The following CFAP47 variants were observed in gnomAD, a reference collection of about 807,000 sequenced individuals.
CFAP47 encodes cilia- and flagella-associated protein 47.
Under a neutral mutation model 148.1 loss-of-function variants are expected in CFAP47, and 29 were observed. The observed-to-expected ratio is 0.20, with a 90% confidence interval of 0.15 to 0.27. CFAP47 has a LOEUF of 0.27. Ranked by LOEUF, CFAP47 falls within the 10% of genes least tolerant of loss-of-function variation. The probability of loss-of-function intolerance (pLI) is 1.00; values close to 1 mark genes in which losing one functional copy is unlikely to be tolerated. For missense variants in CFAP47, 1,872 were observed against 1,697.5 expected (o/e 1.10, Z -1.81); for synonymous variants, 664 against 577.3 (o/e 1.15, Z -2.15).
chrX:36,371,237 G>T (rs1389496871), intron 62 of CFAP47, among the ~76,000 whole-genome samples: 1 of 110,672 alleles, frequency 9.0e-6, no homozygotes, highest in African/African-American at 3.3e-5. Flanking sequence ...ATATAAATGA[G>T]CATTATGAAT....
At chrX:36,255,584 G>A (rs782055878) in intron 49 of CFAP47, among the ~76,000 whole-genome samples, 2 of 111,265 alleles carry the variant, frequency 1.8e-5, no homozygotes, top group South Asian at 3.8e-4. Context: ...TGCATAAAGA[G>A]GGCTGACCTG....
intron 29 of CFAP47, among the ~76,000 whole-genome samples, chrX:36,075,091 C>T (rs941364927): frequency 9.0e-6 from 1 of 111,018 alleles, no homozygotes; most frequent in Non-Finnish European, 1.9e-5. Context: ...GTGATTATAT[C>T]GTTTCAATGT....
chrX:36,207,569 A>C (rs1298920892), intron 45 of CFAP47, among the ~76,000 whole-genome samples: 2 of 111,765 alleles, frequency 1.8e-5, no homozygotes, highest in Non-Finnish European at 3.8e-5. Flanking sequence ...TGTGATACCA[A>C]AGGAGCAGAA....
chrX:35,971,511 A>T, intron 11 of CFAP47, 75 bp from the exon 12 acceptor site: 1 of 668,699 alleles, frequency 1.5e-6, no homozygotes. Context: ...ACTATGGGAA[A>T]GGCTTGAATT....
intron 55 of CFAP47, among the ~76,000 whole-genome samples, chrX:36,307,391 CT>C (rs1941359412): frequency 9.0e-6 from 1 of 110,920 alleles, no homozygotes; most frequent in South Asian, 3.7e-4. Flanking sequence ...AATGGAAGTA[CT>C]GTTATCAATC....
chrX:36,092,184 T>C (rs973307978), intron 30 of CFAP47, among the ~76,000 whole-genome samples: 2 of 111,719 alleles, frequency 1.8e-5, no homozygotes, highest in African/African-American at 6.5e-5. Flanking sequence ...TTAAATGATA[T>C]AAATAAATAT....
intron 52 of CFAP47, among the ~76,000 whole-genome samples, chrX:36,299,838 T>C (rs982572016): frequency 1.8e-5 from 2 of 112,107 alleles, no homozygotes; most frequent in Non-Finnish European, 3.8e-5. Context: ...TATCCTACAA[T>C]AGAAACCAGT....
chrX:36,324,830 TC>T (rs1214128383), intron 57 of CFAP47, among the ~76,000 whole-genome samples: 8 of 111,713 alleles, frequency 7.2e-5, no homozygotes, highest in African/African-American at 2.6e-4. Context: ...CCATTTTTTT[TC>T]TAGATGAAAT....
chrX:36,182,312 A>G (rs1011568387), intron 40 of CFAP47, among the ~76,000 whole-genome samples: 2 of 111,811 alleles, frequency 1.8e-5, no homozygotes, highest in Non-Finnish European at 3.8e-5. Context: ...TCCTTTCTCC[A>G]TACACATCTA....
chrX:36,135,655 C>T (rs548549085), intron 33 of CFAP47, among the ~76,000 whole-genome samples: 7 of 111,776 alleles, frequency 6.3e-5, no homozygotes, highest in South Asian at 3.7e-4. Context: ...TAACAGATGA[C>T]GGTAGGGATT....
At chrX:36,366,690 CATATGTTGTTGGTTCTTAGA>C in intron 61 of CFAP47, among the ~76,000 whole-genome samples, 1 of 111,182 alleles carries the variant, frequency 9.0e-6, no homozygotes. Context: ...GTTCATTCTG[CATATGTTGTTGGTTCTTAGA>C]AAATAACTAG....
intron 51 of CFAP47, among the ~76,000 whole-genome samples, chrX:36,290,079 C>A (rs899677059): frequency 9.1e-6 from 1 of 109,915 alleles, no homozygotes; most frequent in Non-Finnish European, 1.9e-5. Context: ...CCCCGCCCCT[C>A]GCCCCCGCAC....
intron 39 of CFAP47, among the ~76,000 whole-genome samples, chrX:36,169,646 T>C (rs959826758): frequency 4.5e-5 from 5 of 111,888 alleles, no homozygotes; most frequent in Non-Finnish European, 7.5e-5. Flanking sequence ...ATTTAATTGA[T>C]GTTGTCTATT....
intron 2 of CFAP47, among the ~76,000 whole-genome samples, chrX:35,932,633 AT>A (rs781491446): frequency 0.019 from 1,864 of 95,799 alleles, 37 homozygotes; most frequent in African/African-American, 0.055. Context: ...ATTATATTTA[AT>A]TTTTTTTTTT....
At chrX:36,296,664 C>G (rs1241272145) in intron 51 of CFAP47, among the ~76,000 whole-genome samples, 1 of 112,207 alleles carries the variant, frequency 8.9e-6, no homozygotes, top group Non-Finnish European at 1.9e-5. Flanking sequence ...CTATAACATT[C>G]TGTTGAACGG....
At chrX:36,372,750 A>G (rs1556022180) in intron 62 of CFAP47, among the ~76,000 whole-genome samples, 1 of 112,301 alleles carries the variant, frequency 8.9e-6, no homozygotes, top group Non-Finnish European at 1.9e-5. Context: ...CAAAATATAG[A>G]TGATAAAGGT....
intron 44 of CFAP47, among the ~76,000 whole-genome samples, chrX:36,202,929 G>A (rs141259237): frequency 0.012 from 1,283 of 109,597 alleles, 18 homozygotes; most frequent in African/African-American, 0.04. Flanking sequence ...TTTTGTTTTA[G>A]CAACTTACAC....
chrX:36,225,533 C>A lies in CFAP47; in HGVS notation c.6818-3095C>A, dbSNP rs782594771. On this transcript the variant is annotated intron_variant, in intron 45 of 63. Coordinates refer to ENST00000378653, the MANE Select transcript of CFAP47 (RefSeq NM_001304548.2). Reference sequence around the variant, plus strand: ...CACACTTACTCTTGGTCCATACCCTCCTAATAGTGACCTCTTAGTTACTGC... The same window carrying A: ...CACACTTACTCTTGGTCCATACCCTACTAATAGTGACCTCTTAGTTACTGC... Among the ~76,000 whole-genome samples, 171 of 111,723 alleles carry A rather than the reference C, an allele frequency of 1.5e-3. 1 individual carries two copies. Among genetic ancestry groups the A allele is most frequent in the African/African-American group, 5.1e-3 (157 of 30,794 alleles).
At chrX:36,239,350 G>A (rs1342694615) in intron 48 of CFAP47, among the ~76,000 whole-genome samples, 3 of 112,100 alleles carry the variant, frequency 2.7e-5, no homozygotes, top group South Asian at 3.7e-4. Context: ...AGAAAAACTC[G>A]GAATTCTGGA....
Sources: gnomAD v4.1 joint callset for allele counts (sites outside exome capture counted in the v4.1 genomes callset) on GRCh38, gnomAD v4.1.1 for gene constraint, MANE v1.5 for transcripts, NCBI Gene and HGNC (gene_info 2026-07-23, HGNC 2026-07-21) for gene names.